Variants in PIK3R6 observed in about 807,000 individuals in gnomAD.
The protein encoded by PIK3R6 is phosphoinositide-3-kinase regulatory subunit 6.
A neutral mutation model predicts 84.9 loss-of-function variants in PIK3R6; 91 were observed. That is an observed-to-expected ratio of 1.07 (90% CI 0.90 to 1.28). The LOEUF (loss-of-function observed/expected upper bound fraction) is 1.28. PIK3R6 is among the 50% of genes most tolerant of loss of function. PIK3R6 has a pLI of 0.00. For synonymous variants in PIK3R6, 416 were observed against 411.4 expected (o/e 1.01, Z -0.13); for missense variants, 996 against 985.1 (o/e 1.01, Z -0.15).
chr17:8,851,885 A>G (rs2088979347), intron 1 of PIK3R6, among the ~76,000 whole-genome samples: 1 of 152,246 alleles, frequency 6.6e-6, no homozygotes, highest in African/African-American at 2.4e-5. Flanking sequence ...ACAGAGAAGC[A>G]ATGAACAGAT....
chr17:8,821,952 G>C lies in PIK3R6; in HGVS notation c.1789-16C>G, dbSNP rs766311316. On this transcript the variant is annotated splice_polypyrimidine_tract_variant and intron_variant, in intron 16 of 19. Coordinates refer to ENST00000619866, the MANE Select transcript of PIK3R6 (RefSeq NM_001010855.4). ...TAAGCAAGGCCTGAGGAGGGGGATC[G>C]AGGAACAGGTGGAGGTGCTCAGGAC... is the stretch of plus-strand genomic sequence containing the variant. The C allele has an allele frequency of 6.4e-7, 1 of 1,556,384 alleles. No homozygotes were observed. The highest frequency in any genetic ancestry group is 8.7e-7 in the Non-Finnish European group (1 of 1,146,812).
At chr17:8,850,290 G>C (rs2088916854) in intron 1 of PIK3R6, among the ~76,000 whole-genome samples, 2 of 145,954 alleles carry the variant, frequency 1.4e-5, no homozygotes, top group African/African-American at 5.1e-5. Flanking sequence ...GGGCAAGGGT[G>C]AGACTGGCTC....
At chr17:8,845,807 C>T (rs1181999412) in intron 2 of PIK3R6, among the ~76,000 whole-genome samples, 3 of 152,084 alleles carry the variant, frequency 2.0e-5, no homozygotes, top group South Asian at 4.2e-4. Context: ...ATTAGCTAGG[C>T]GTAATGATGA....
intron 4 of PIK3R6, 108 bp from the exon 5 acceptor site, chr17:8,837,979 CA>C (rs1212022595): frequency 2.2e-6 from 2 of 919,420 alleles, no homozygotes; most frequent in Non-Finnish European, 3.5e-6. Context: ...GGAAGGCAGC[CA>C]GGGGGAGAGC....
intron 2 of PIK3R6, among the ~76,000 whole-genome samples, chr17:8,849,225 C>T (rs1325032197): frequency 1.3e-5 from 2 of 152,242 alleles, no homozygotes; most frequent in African/African-American, 4.8e-5. Flanking sequence ...CTAGCCCCAC[C>T]TCACAGAATC....
chr17:8,809,029 A>G (rs1438896203), intron 18 of PIK3R6, among the ~76,000 whole-genome samples: 1 of 152,218 alleles, frequency 6.6e-6, no homozygotes, highest in African/African-American at 2.4e-5. Flanking sequence ...GAGTATTAAC[A>G]TATAAACATA....
intron 18 of PIK3R6, among the ~76,000 whole-genome samples, chr17:8,806,490 C>T (rs2087211054): frequency 6.6e-6 from 1 of 152,168 alleles, no homozygotes; most frequent in African/African-American, 2.4e-5. Flanking sequence ...GTGGTCTGCA[C>T]ACCTAGACAC....
intron 18 of PIK3R6, among the ~76,000 whole-genome samples, chr17:8,811,561 A>G (rs944974417): frequency 6.7e-6 from 1 of 148,280 alleles, no homozygotes; most frequent in Non-Finnish European, 1.5e-5. Flanking sequence ...ACAGCACCCA[A>G]GTCACCTCTT....
In PIK3R6 at chr17:8,829,780, T is replaced by A; in HGVS notation, c.815A>T (p.Gln272Leu). ...CAGGGGAATGCTTGGTGGCCGCTCTTGGACAAGGTCACCTGCAGAAAGGAG... is the reference window on the plus strand; with the variant it reads ...CAGGGGAATGCTTGGTGGCCGCTCTAGGACAAGGTCACCTGCAGAAAGGAG... Reference protein sequence around the residue: ...AAGRCGGDLVQERPPSIPLPS... With the variant: ...AAGRCGGDLVLERPPSIPLPS... Residue 272 changes from glutamine (Q) to leucine (L), a missense_variant, in exon 10 of 20, where the codon CAA (glutamine) becomes CTA (leucine). Physicochemically the swap from Gln to Leu is moderately radical, Grantham distance 113 (BLOSUM62 -2). Coordinates refer to ENST00000619866, the MANE Select transcript of PIK3R6 (RefSeq NM_001010855.4). 1 of 1,551,504 alleles carries A rather than the reference T, an allele frequency of 6.4e-7. No individual in the cohort carries two copies. The highest frequency in any genetic ancestry group is 2.4e-5 in the East Asian group (1 of 40,946).
chr17:8,803,962 A>G lies in PIK3R6; in HGVS notation c.2108+79T>C. On this transcript the variant is annotated intron_variant, in intron 19 of 19. Transcript: ENST00000619866. The surrounding 1 kb of genome is among the most constrained non-coding windows in gnomAD (Gnocchi z 5.0). ...CGATGAGGTGCCTTGAGCTAGAGGCAGGAGATGGCAGGAGCTGGCTCCTGC... is the reference window on the plus strand; with the variant it reads ...CGATGAGGTGCCTTGAGCTAGAGGCGGGAGATGGCAGGAGCTGGCTCCTGC... 1 of 1,256,096 alleles carries G rather than the reference A, an allele frequency of 8.0e-7. No homozygotes were observed. Among genetic ancestry groups the G allele is most frequent in the Non-Finnish European group, 1.2e-6 (1 of 868,942 alleles). 77.8% of individuals were successfully genotyped at this position (1,256,096 alleles called of 1,614,324 possible). A position where few individuals can be genotyped will look rare whatever the true frequency, so the allele number is the denominator to read the frequency against.
chr17:8,828,021 C>T, intron 12 of PIK3R6, 91 bp downstream of exon 12: 3 of 1,340,426 alleles, frequency 2.2e-6, no homozygotes, highest in Non-Finnish European at 3.2e-6. Context: ...AGTCCCTGAG[C>T]CGGGGATGTG....
intron 5 of PIK3R6, 123 bp downstream of exon 5, chr17:8,837,680 C>A: frequency 3.7e-6 from 3 of 816,824 alleles, no homozygotes; most frequent in East Asian, 5.2e-5. Context: ...CAGTTTAGGG[C>A]AGGCAATCCA....
chr17:8,829,514 G>A (rs1256252558), intron 10 of PIK3R6, among the ~76,000 whole-genome samples, 192 bp downstream of exon 10: 6 of 100,240 alleles, frequency 6.0e-5, no homozygotes, highest in Non-Finnish European at 9.7e-5. Flanking sequence ...ACACACTCAT[G>A]CATACACACA....
rs1009399546 is a variant in PIK3R6, at chr17:8,819,176, G to A, written c.1902C>T (p.Pro634=). 6 of 1,609,276 alleles carry A rather than the reference G, an allele frequency of 3.7e-6. No homozygotes were observed. In the African/African-American group the frequency reaches 5.3e-5, roughly 14 times the overall value. The part of the protein sequence containing the change: ...DTEVSGSSHC[P]LPAAPVTDHT... ...GGTCTGTGACAGGAGCAGCAGGCAG[G>A]GGGCAATGGCTAGACCCTGAAACTG... The change falls in exon 18 of 20, where the codon CCC becomes CCT. Residue 634 remains proline, a synonymous_variant. Coordinates refer to ENST00000619866, the MANE Select transcript of PIK3R6 (RefSeq NM_001010855.4).
In PIK3R6 at chr17:8,803,570, G is replaced by T. The variant is rs2087107332; in HGVS notation, c.2109-141C>A. On this transcript the variant is annotated intron_variant, in intron 19 of 19. Transcript: ENST00000619866. The surrounding 1 kb of genome is among the most constrained non-coding windows in gnomAD (Gnocchi z 5.0). ...GGAGGCGGCTACACAGAAGAAAGAGGAAGAGTCAGGACAAGAAAGAAAAAC... is the reference window on the plus strand; with the variant it reads ...GGAGGCGGCTACACAGAAGAAAGAGTAAGAGTCAGGACAAGAAAGAAAAAC... The T allele has an allele frequency of 1.2e-6, 1 of 840,966 alleles. No homozygotes were observed. Among genetic ancestry groups the T allele is most frequent in the Non-Finnish European group, 1.8e-6 (1 of 565,750 alleles). 52.1% of individuals were successfully genotyped at this position (840,966 alleles called of 1,614,324 possible). A position where few individuals can be genotyped will look rare whatever the true frequency, so the allele number is the denominator to read the frequency against.
intron 18 of PIK3R6, among the ~76,000 whole-genome samples, chr17:8,812,093 C>A (rs2087374623): frequency 6.6e-6 from 1 of 152,208 alleles, no homozygotes; most frequent in African/African-American, 2.4e-5. Context: ...TGGATGGCAG[C>A]AGGCAAAAAG....
In PIK3R6 at chr17:8,814,215, C is replaced by CTTTTTTTTT. The variant is rs112750429; in HGVS notation, c.1995+4859_1995+4867dup. On this transcript the variant is annotated intron_variant, in intron 18 of 19. Transcript: ENST00000619866. ...TCCACTCTTTAGTTCAGAGAGAGAT[C>CTTTTTTTTT]TTTTTTTTTTTTTTTTTTTTTTGAG... 9.9e-3 allele frequency among the ~76,000 whole-genome samples: 848 copies of CTTTTTTTTT among 85,460 alleles called. 68 individuals carry two copies. The highest frequency in any genetic ancestry group is 0.023 in the African/African-American group (474 of 20,570). The allele number at this position is 85,460 out of a possible 152,430, so 56.1% of individuals were successfully genotyped here.
At chr17:8,805,270 A>C (rs1427007862) in intron 18 of PIK3R6, among the ~76,000 whole-genome samples, 1 of 152,206 alleles carries the variant, frequency 6.6e-6, no homozygotes, top group Non-Finnish European at 1.5e-5. Context: ...ATTGTTGTGA[A>C]GATTACATGA....
At chr17:8,865,385 A>C (rs890774524) in intron 1 of PIK3R6, among the ~76,000 whole-genome samples, 2 of 152,180 alleles carry the variant, frequency 1.3e-5, no homozygotes, top group Non-Finnish European at 2.9e-5. Flanking sequence ...AGGCCTCCCT[A>C]TACCACAGCT....
Sources: allele counts gnomAD v4.1 joint callset (sites outside exome capture counted in the v4.1 genomes callset), GRCh38; gene constraint gnomAD v4.1.1; non-coding constraint Gnocchi (gnomAD v3.1); transcripts MANE v1.5; gene names NCBI Gene and HGNC (gene_info 2026-07-23, HGNC 2026-07-21).